AGAP1: variants seen among roughly 807,000 people sequenced by gnomAD.
AGAP1 encodes the protein ArfGAP with GTPase domain, ankyrin repeat and PH domain 1, also known as arf-GAP with GTPase, ANK repeat and PH domain-containing protein 1.
Under a neutral mutation model 105.3 loss-of-function variants are expected in AGAP1, and 29 were observed. The observed-to-expected ratio is 0.28, with a 90% CI of 0.21 to 0.38. The LOEUF (loss-of-function observed/expected upper bound fraction) is 0.38. Among genes scored for constraint, AGAP1 ranks in the 10% least tolerant of loss-of-function variants. AGAP1 has a pLI of 1.00. For synonymous variants in AGAP1, 509 were observed against 485.9 expected, an observed-to-expected ratio of 1.05 and a Z score of -0.63; for missense variants, 998 against 1,165.1, an observed-to-expected ratio of 0.86 and a Z score of 2.09.
chr2:235,648,529 C>T (rs1205288961), intron 1 of AGAP1, among the ~76,000 whole-genome samples: 1 of 152,078 alleles, frequency 6.6e-6, no homozygotes, highest in Non-Finnish European at 1.5e-5. Context: ...GTTTTCTATT[C>T]ACACTGTACA....
At chr2:236,088,637 A>G (rs998282163) in intron 16 of AGAP1, among the ~76,000 whole-genome samples, 2 of 152,230 alleles carry the variant, frequency 1.3e-5, no homozygotes, top group Non-Finnish European at 2.9e-5. Context: ...TTCAGGAAGT[A>G]GTGTTAATTA....
At position 235,562,583 on chromosome 2, in the gene AGAP1, A is replaced by G. The variant is rs189158797; in HGVS notation, c.163+67734A>G. ...TGCTTTCTGGTGGCCTGGCAGACTC[A>G]GGACTATCTCTGAGTCCTTCACAAA... On this transcript the variant is annotated intron_variant, in intron 1 of 17. Coordinates refer to ENST00000304032, the MANE Select transcript of AGAP1 (RefSeq NM_001037131.3). Among the ~76,000 whole-genome samples, 725 of 152,212 alleles carry G rather than the reference A, an allele frequency of 4.8e-3. 3 individuals carry two copies. Among genetic ancestry groups the G allele is most frequent in the Non-Finnish European group, 5.6e-3 (378 of 68,012 alleles).
rs186040050 is a variant in AGAP1, at chr2:235,604,807, C to T, written c.164-104372C>T. ...CCATGTTAGCCAGGATGGTCTCGAT[C>T]TCCTGACCTCGTGATCTGCCCGCCT... On this transcript the variant is annotated intron_variant, in intron 1 of 17. Coordinates refer to ENST00000304032, the MANE Select transcript of AGAP1 (RefSeq NM_001037131.3). Among the ~76,000 whole-genome samples, 427 of 152,000 alleles carry T rather than the reference C, an allele frequency of 2.8e-3. 1 individual carries two copies. The highest frequency in any genetic ancestry group is 5.0e-3 in the Non-Finnish European group (340 of 67,972).
chr2:235,892,588 A>G (rs1214068869), intron 10 of AGAP1, among the ~76,000 whole-genome samples: 1 of 152,066 alleles, frequency 6.6e-6, no homozygotes, highest in East Asian at 1.9e-4. Context: ...TCAAGAAAAA[A>G]AAAAAAAAGA....
Position 235,982,824 on chromosome 2 carries a change from ACTTGTTAC to A in AGAP1, c.1645+14205_1645+14212del, listed in dbSNP as rs1201738825. On this transcript the variant is annotated intron_variant, in intron 13 of 17. Coordinates refer to ENST00000304032, the MANE Select transcript of AGAP1 (RefSeq NM_001037131.3). The surrounding 1 kb of genome is among the most constrained non-coding windows in gnomAD (Gnocchi z 4.9). ...GATTAATATGTTACTGTCATCAGTGACTTGTTACCTTCTGTTTCTGATTGCCAGCTCAT... is the reference window on the plus strand; with the variant it reads ...GATTAATATGTTACTGTCATCAGTGACTTCTGTTTCTGATTGCCAGCTCAT... 2.0e-5 allele frequency among the ~76,000 whole-genome samples: 3 copies of A among 152,134 alleles called. No individual in the cohort carries two copies. The highest frequency in any genetic ancestry group is 4.4e-5 in the Non-Finnish European group (3 of 68,024).
At chr2:235,756,701 G>A (rs1054736260) in intron 6 of AGAP1, among the ~76,000 whole-genome samples, 9 of 152,246 alleles carry the variant, frequency 5.9e-5, no homozygotes, top group African/African-American at 1.9e-4. Context: ...ATTACTCCCC[G>A]AGCTCCGCCT....
At chr2:236,064,355 C>A (rs972972591) in intron 16 of AGAP1, among the ~76,000 whole-genome samples, 19 of 152,066 alleles carry the variant, frequency 1.2e-4, no homozygotes, top group African/African-American at 3.9e-4. Flanking sequence ...TTTGGGGAGG[C>A]CGAGGTGGGT....
chr2:235,832,503 A>C (rs77103571), intron 9 of AGAP1, among the ~76,000 whole-genome samples: 7,813 of 152,340 alleles, frequency 0.051, 642 homozygotes, highest in African/African-American at 0.17. Context: ...TTAGGAGCAT[A>C]TACAGTTCTT....
chr2:235,568,569 T>A (rs1335230458), intron 1 of AGAP1, among the ~76,000 whole-genome samples: 1 of 152,012 alleles, frequency 6.6e-6, no homozygotes, highest in East Asian at 1.9e-4. Context: ...AAGCTGTGTA[T>A]GTGTTGGAGG....
intron 6 of AGAP1, chr2:235,774,269 CT>C: frequency 2.3e-6 from 1 of 444,060 alleles, no homozygotes; most frequent in Non-Finnish European, 4.6e-6. Flanking sequence ...CCAGCCTCCC[CT>C]ATCCACAGCC....
At position 235,982,426 on chromosome 2, in the gene AGAP1, G is replaced by A. The variant is rs576996417; in HGVS notation, c.1645+13803G>A. Among the ~76,000 whole-genome samples the A allele has an allele frequency of 1.6e-4, 24 of 152,308 alleles. No individual in the cohort carries two copies. In the East Asian group the frequency reaches 4.6e-3, roughly 29 times the overall value. On this transcript the variant is annotated intron_variant, in intron 13 of 17. Transcript: ENST00000304032. This position sits in a 1 kb window ranked among gnomAD's most constrained non-coding sequence, Gnocchi z 4.9. ...GGGGACATCAGCTGGGAGGGTCATA[G>A]CTAGGAGGTCAGAAGGAAGGGGGGA... is the stretch of plus-strand genomic sequence containing the variant.
intron 1 of AGAP1, among the ~76,000 whole-genome samples, chr2:235,571,654 G>A (rs142132548): frequency 3.3e-5 from 5 of 152,214 alleles, no homozygotes; most frequent in African/African-American, 1.2e-4. Context: ...CAGGGAAATT[G>A]TGAATTTTCA....
intron 9 of AGAP1, among the ~76,000 whole-genome samples, chr2:235,859,386 C>T (rs138036606): frequency 3.4e-5 from 3 of 89,312 alleles, no homozygotes; most frequent in African/African-American, 1.1e-4. Flanking sequence ...ACTCTCCCCC[C>T]ACAACCTCCC....
rs2050352629 is a variant in AGAP1 at position 235,888,063 on chromosome 2, C to T, written c.1155+4614C>T. Among the ~76,000 whole-genome samples, 1 of 152,166 alleles carries T rather than the reference C, an allele frequency of 6.6e-6. No individual in the cohort carries two copies. Among genetic ancestry groups the T allele is most frequent in the Non-Finnish European group, 1.5e-5 (1 of 68,034 alleles). Reference sequence around the variant, plus strand: ...CACGTAAGGCTGCGCCCTGGTGCCACCACCAGCCTCCTTCCATTTGCTTAT... The same window carrying T: ...CACGTAAGGCTGCGCCCTGGTGCCATCACCAGCCTCCTTCCATTTGCTTAT... On this transcript the variant is annotated intron_variant, in intron 10 of 17. Transcript: ENST00000304032. This position sits in a 1 kb window ranked among gnomAD's most constrained non-coding sequence, Gnocchi z 4.8.
chr2:235,602,537 G>A (rs945041392), intron 1 of AGAP1, among the ~76,000 whole-genome samples: 8 of 152,036 alleles, frequency 5.3e-5, no homozygotes, highest in Admixed American at 2.0e-4. Flanking sequence ...TGCATTAGCC[G>A]TGCCCTCTGC....
chr2:235,753,502 C>T lies in AGAP1; in HGVS notation c.673+3014C>T, dbSNP rs940319499. ...GGCAGATCACCTGAGGTCCATAGTT[C>T]GAGACCAGCCTGGCCACCATGGCGA... On this transcript the variant is annotated intron_variant, in intron 6 of 17. Transcript: ENST00000304032. The surrounding 1 kb of genome is among the most constrained non-coding windows in gnomAD (Gnocchi z 4.5). Among the ~76,000 whole-genome samples the T allele has an allele frequency of 5.3e-5, 8 of 152,104 alleles. No individual in the cohort carries two copies. The highest frequency in any genetic ancestry group is 1.5e-5 in the Non-Finnish European group (1 of 68,030).
intron 1 of AGAP1, among the ~76,000 whole-genome samples, chr2:235,603,998 A>G (rs888209849): frequency 2.2e-4 from 34 of 152,280 alleles, no homozygotes; most frequent in East Asian, 3.9e-4. Flanking sequence ...CATCCCCGAG[A>G]TGAAGATGAA....
At position 235,789,950 on chromosome 2, in the gene AGAP1, T is replaced by G. The variant is rs1418334643; in HGVS notation, c.674-7809T>G. Among the ~76,000 whole-genome samples the G allele has an allele frequency of 1.3e-5, 2 of 152,182 alleles. No individual in the cohort carries two copies. Among genetic ancestry groups the G allele is most frequent in the Non-Finnish European group, 2.9e-5 (2 of 68,034 alleles). On this transcript the variant is annotated intron_variant, in intron 6 of 17. Coordinates refer to ENST00000304032, the MANE Select transcript of AGAP1 (RefSeq NM_001037131.3). The surrounding 1 kb of genome is among the most constrained non-coding windows in gnomAD (Gnocchi z 4.2). ...TCTTACCTTCCTTGTTAGTATTTGT[T>G]CTGATTGGAAAATTACTCTGATGGT... is the stretch of plus-strand genomic sequence containing the variant.
rs139183802 is a variant in AGAP1 at position 235,820,887 on chromosome 2, A to G, written c.1050+13556A>G. ...TAAAATGTATCATTAACAAAGAATG[A>G]TAAAATCCTACTCTAAGAAAAATAA... is the stretch of plus-strand genomic sequence containing the variant. On this transcript the variant is annotated intron_variant, in intron 9 of 17. Coordinates refer to ENST00000304032, the MANE Select transcript of AGAP1 (RefSeq NM_001037131.3). Among the ~76,000 whole-genome samples, 939 of 152,350 alleles carry G rather than the reference A, an allele frequency of 6.2e-3. 6 individuals are homozygous for G. The highest frequency in any genetic ancestry group is 0.022 in the African/African-American group (904 of 41,584).
Sources: gnomAD v4.1 joint callset for allele counts (sites outside exome capture counted in the v4.1 genomes callset) on GRCh38, gnomAD v4.1.1 for gene constraint, Gnocchi (gnomAD v3.1) non-coding constraint, MANE v1.5 for transcripts, NCBI Gene and HGNC (gene_info 2026-07-23, HGNC 2026-07-21) for gene names.